The following MAOA variants were observed in gnomAD, a reference collection of about 807,000 sequenced individuals.
MAOA encodes amine oxidase [flavin-containing] A.
Under a neutral mutation model 42.0 loss-of-function variants are expected in MAOA, and 6 were observed. The observed-to-expected ratio is 0.14, with a 90% CI of 0.08 to 0.28. The LOEUF is 0.28. Ranked by LOEUF, MAOA falls within the 10% of genes least tolerant of loss-of-function variation. The pLI is 1.00. For missense variants in MAOA, 262 were observed against 422.3 expected (o/e 0.62, Z 3.33); for synonymous variants, 140 against 154.0 (o/e 0.91, Z 0.67).
At chrX:43,689,798 C>G (rs1453036191) in intron 2 of MAOA, among the ~76,000 whole-genome samples, 1 of 111,594 alleles carries the variant, frequency 9.0e-6, no homozygotes, top group Non-Finnish European at 1.9e-5. Flanking sequence ...TTCCTCCAAT[C>G]TGGGTCCTAA....
At chrX:43,657,179 TTA>T (rs1259430622) in intron 1 of MAOA, among the ~76,000 whole-genome samples, 19 of 92,284 alleles carry the variant, frequency 2.1e-4, no homozygotes, top group African/African-American at 3.8e-4. Flanking sequence ...TGAACTGTGT[TTA>T]TATATATATA....
chrX:43,717,205 G>T (rs181317998), intron 5 of MAOA, among the ~76,000 whole-genome samples: 212 of 110,959 alleles, frequency 1.9e-3, no homozygotes, highest in African/African-American at 6.7e-3. Context: ...CTAAGTCTCT[G>T]GGGGGAAACA....
intron 2 of MAOA, 67 bp from the exon 3 acceptor site, chrX:43,693,224 T>A: frequency 9.1e-7 from 1 of 1,094,301 alleles, no homozygotes; most frequent in Non-Finnish European, 1.3e-6. Flanking sequence ...TGGGGTTATT[T>A]TTTTACAAGA....
chrX:43,721,961 T>A (rs973263441), intron 5 of MAOA, among the ~76,000 whole-genome samples: 1 of 111,499 alleles, frequency 9.0e-6, no homozygotes, highest in African/African-American at 3.3e-5. Flanking sequence ...CTTATTGTGT[T>A]ACTTTGCTGA....
intron 1 of MAOA, among the ~76,000 whole-genome samples, chrX:43,668,217 T>A (rs73633017): frequency 0.07 from 7,843 of 112,242 alleles, 738 homozygotes; most frequent in African/African-American, 0.24. Flanking sequence ...TTTTTATATT[T>A]CTCCAGTTAT....
At position 43,712,784 on chromosome X, in the gene MAOA, T is replaced by C. The variant is rs1269044075; in HGVS notation, c.491T>C (p.Ile164Thr). 1 of 1,201,702 alleles carries C rather than the reference T, an allele frequency of 8.3e-7. No individual in the cohort carries two copies. Among genetic ancestry groups the C allele is most frequent in the East Asian group, 3.0e-5 (1 of 33,768 alleles). The change falls in exon 5 of 15, where the codon ATC becomes ACC. Residue 164 changes from isoleucine to threonine, a missense_variant. This residue lies in a region of MAOA where 141 missense variants were observed against 195.6 expected (regional missense o/e 0.72). Transcript: ENST00000338702. ...KMTMKELIDKICWTKTARRFA... is the reference protein window; with the variant it reads ...KMTMKELIDKTCWTKTARRFA... ...ACCATGAAAGAGCTCATTGACAAAA[T>C]CTGCTGGACAAAGTAAGTAGACTTG...
At chrX:43,738,308 T>A (rs781649036) in intron 10 of MAOA, among the ~76,000 whole-genome samples, 154 of 112,354 alleles carry the variant, frequency 1.4e-3, no homozygotes, top group African/African-American at 4.8e-3. Flanking sequence ...TTTCCAAAAA[T>A]TTTTAATTTT....
Position 43,728,091 on chromosome X carries a change from A to T in MAOA, c.504-82A>T. On this transcript the variant is annotated intron_variant, in intron 5 of 14. Coordinates refer to ENST00000338702, the MANE Select transcript of MAOA (RefSeq NM_000240.4). ...TGCAACAGAAAAACTTTCTGAACACACTAAATCGTGTTGTAAAAACATGAC... is the reference window on the plus strand; with the variant it reads ...TGCAACAGAAAAACTTTCTGAACACTCTAAATCGTGTTGTAAAAACATGAC... 3 of 993,372 alleles carry T rather than the reference A, an allele frequency of 3.0e-6. No individual in the cohort carries two copies. The South Asian group carries it at 5.7e-5, about 19-fold the overall frequency. 81.9% of individuals were successfully genotyped at this position (993,372 alleles called of 1,213,427 possible). A position where few individuals can be genotyped will look rare whatever the true frequency, so the allele number is the denominator to read the frequency against.
intron 10 of MAOA, among the ~76,000 whole-genome samples, chrX:43,739,943 T>C (rs182080860): frequency 8.9e-6 from 1 of 112,493 alleles, no homozygotes; most frequent in African/African-American, 3.2e-5. Flanking sequence ...AAAATGTATT[T>C]CGTTTCAAAA....
At chrX:43,742,082 C>T in intron 12 of MAOA, 35 bp downstream of exon 12, 2 of 1,209,146 alleles carry the variant, frequency 1.7e-6, no homozygotes, top group East Asian at 3.0e-5. Context: ...TAATCCAAGA[C>T]CTGTGCCAAA....
chrX:43,720,318 G>A (rs1317685564), intron 5 of MAOA, among the ~76,000 whole-genome samples: 5 of 109,791 alleles, frequency 4.6e-5, no homozygotes, highest in Non-Finnish European at 9.5e-5. Context: ...GACAAGAAGG[G>A]CAGATGGTGT....
chrX:43,699,755 A>G (rs2033608573), intron 3 of MAOA, among the ~76,000 whole-genome samples: 1 of 111,243 alleles, frequency 9.0e-6, no homozygotes, highest in Admixed American at 9.6e-5. Flanking sequence ...ATGTTCTGGA[A>G]TACTAAGTAA....
intron 2 of MAOA, among the ~76,000 whole-genome samples, chrX:43,685,409 G>A (rs1397884318): frequency 1.8e-5 from 2 of 111,839 alleles, no homozygotes; most frequent in Non-Finnish European, 3.8e-5. Flanking sequence ...GGGATCCTGG[G>A]AAAGTAAGTA....
At chrX:43,684,760 A>G (rs2033471427) in intron 2 of MAOA, among the ~76,000 whole-genome samples, 1 of 111,456 alleles carries the variant, frequency 9.0e-6, no homozygotes, top group Non-Finnish European at 1.9e-5. Flanking sequence ...GGCGTAAGCA[A>G]TGCAAACATT....
intron 6 of MAOA, among the ~76,000 whole-genome samples, chrX:43,730,091 G>C (rs1017045105): frequency 9.3e-6 from 1 of 107,997 alleles, no homozygotes; most frequent in African/African-American, 3.4e-5. Flanking sequence ...CTACTCGGGA[G>C]GCCAAGGCAA....
intron 1 of MAOA, among the ~76,000 whole-genome samples, chrX:43,675,405 A>G (rs1415685105): frequency 8.9e-6 from 1 of 111,847 alleles, no homozygotes; most frequent in East Asian, 2.8e-4. Context: ...TGTAGCTCGG[A>G]GTAGTTTGAT....
intron 1 of MAOA, among the ~76,000 whole-genome samples, chrX:43,661,914 T>C (rs2033236853): frequency 8.9e-6 from 1 of 111,807 alleles, no homozygotes; most frequent in Non-Finnish European, 1.9e-5. Context: ...AATTCAGTGC[T>C]GTATAAAACC....
At position 43,656,384 on chromosome X, in the gene MAOA, G is replaced by A. The variant is rs1268810174; in HGVS notation, c.43G>A (p.Asp15Asn). ...EKASIAGHMF[D>N]VVVIGGGISG... ...GGCGAGTATCGCGGGCCACATGTTC[G>A]ACGTAGTCGTGATCGGAGGTGGCAT... Residue 15 changes from aspartate (D) to asparagine (N), a missense_variant, in exon 1 of 15, where the codon GAC becomes AAC. Coordinates refer to ENST00000338702, the MANE Select transcript of MAOA (RefSeq NM_000240.4). The A allele has an allele frequency of 2.5e-6, 3 of 1,211,838 alleles. No homozygotes were observed. Among genetic ancestry groups the A allele is most frequent in the Non-Finnish European group, 3.4e-6 (3 of 895,397 alleles).
intron 1 of MAOA, among the ~76,000 whole-genome samples, chrX:43,670,844 T>C (rs1255332033): frequency 3.7e-5 from 4 of 109,397 alleles, no homozygotes; most frequent in African/African-American, 1.0e-4. Context: ...TCTATCATTG[T>C]TGGACATTTA....
Sources: gnomAD v4.1 joint callset for allele counts (sites outside exome capture counted in the v4.1 genomes callset) on GRCh38, gnomAD v4.1.1 for gene constraint, gnomAD v4.1.1 regional missense constraint, MANE v1.5 for transcripts, NCBI Gene and HGNC (gene_info 2026-07-23, HGNC 2026-07-21) for gene names.